The following UNC5D variants were observed in gnomAD, a reference collection of about 807,000 sequenced individuals.
The protein encoded by UNC5D is unc-5 netrin receptor D.
UNC5D carries 39 observed loss-of-function variants against 105.4 expected under a neutral mutation model. That is an observed-to-expected ratio of 0.37 (90% CI 0.29 to 0.48). The LOEUF (loss-of-function observed/expected upper bound fraction) is 0.48. Among genes scored for constraint, UNC5D ranks in the 20% least tolerant of loss-of-function variants. The pLI, the probability that UNC5D is intolerant of heterozygous loss-of-function variation, is 0.98. For missense variants in UNC5D, 991 were observed against 1,202.4 expected (o/e 0.82, Z 2.60); for synonymous variants, 452 against 450.4 (o/e 1.00, Z -0.04).
intron 1 of UNC5D, among the ~76,000 whole-genome samples, chr8:35,487,015 C>T (rs1005869521): frequency 7.2e-5 from 11 of 152,108 alleles, no homozygotes; most frequent in African/African-American, 2.2e-4. Flanking sequence ...TCCAACCCCC[C>T]AGGTCACTAA....
intron 8 of UNC5D, among the ~76,000 whole-genome samples, chr8:35,707,886 T>A (rs941178213): frequency 1.3e-5 from 2 of 152,084 alleles, no homozygotes; most frequent in African/African-American, 4.8e-5. Context: ...CGGAATCGCT[T>A]AAACTGTTTT....
At chr8:35,575,048 C>A (rs142220368) in intron 3 of UNC5D, among the ~76,000 whole-genome samples, 141 of 152,260 alleles carry the variant, frequency 9.3e-4, no homozygotes, top group African/African-American at 3.1e-3. Context: ...AAGGAATGCT[C>A]TGTGGCACCC....
At chr8:35,465,409 C>G (rs553535196) in intron 1 of UNC5D, among the ~76,000 whole-genome samples, 1 of 150,652 alleles carries the variant, frequency 6.6e-6, no homozygotes, top group Admixed American at 6.6e-5. Context: ...ATTGTATGCT[C>G]AAAAGCCACA....
At chr8:35,355,044 T>C (rs1470809393) in intron 1 of UNC5D, among the ~76,000 whole-genome samples, 2 of 152,172 alleles carry the variant, frequency 1.3e-5, no homozygotes, top group Non-Finnish European at 2.9e-5. Context: ...CCAGTCTCTT[T>C]AGGACTTGAC....
chr8:35,415,046 G>A (rs1805444662), intron 1 of UNC5D, among the ~76,000 whole-genome samples: 1 of 152,036 alleles, frequency 6.6e-6, no homozygotes, highest in Admixed American at 6.6e-5. Flanking sequence ...GTCTAAATCA[G>A]AATTTTGTTC....
chr8:35,264,916 G>C (rs1321942100), intron 1 of UNC5D, among the ~76,000 whole-genome samples: 2 of 152,158 alleles, frequency 1.3e-5, no homozygotes, highest in East Asian at 3.9e-4. Flanking sequence ...GGATCCTCTA[G>C]TCTTCACTGA....
chr8:35,586,650 T>C (rs1818814611), intron 3 of UNC5D, among the ~76,000 whole-genome samples: 1 of 152,162 alleles, frequency 6.6e-6, no homozygotes, highest in Non-Finnish European at 1.5e-5. Flanking sequence ...CAGAGAAATA[T>C]GGGTGGCAAA....
At chr8:35,254,503 ACAT>A (rs1563253050) in intron 1 of UNC5D, 1 of 152,208 alleles carries the variant, frequency 6.6e-6, no homozygotes, top group African/African-American at 2.4e-5. Flanking sequence ...TTGAAGAGAC[ACAT>A]ATATGGTAGG....
At chr8:35,583,547 G>A (rs1818588697) in intron 3 of UNC5D, among the ~76,000 whole-genome samples, 2 of 151,966 alleles carry the variant, frequency 1.3e-5, no homozygotes, top group South Asian at 4.1e-4. Context: ...ATTCACCTAG[G>A]ACTCGATTTT....
At chr8:35,670,882 C>A (rs1054089001) in intron 4 of UNC5D, among the ~76,000 whole-genome samples, 11 of 151,992 alleles carry the variant, frequency 7.2e-5, no homozygotes, top group African/African-American at 2.7e-4. Flanking sequence ...AAAAAGATGG[C>A]AGAATTTTGA....
chr8:35,716,375 G>GGTTC (rs1828252021), intron 8 of UNC5D, among the ~76,000 whole-genome samples: 1 of 152,182 alleles, frequency 6.6e-6, no homozygotes. Flanking sequence ...GAGTTACTGT[G>GGTTC]GTTCCTGAGA....
At chr8:35,339,463 A>T (rs2128900569) in intron 1 of UNC5D, among the ~76,000 whole-genome samples, 1 of 152,352 alleles carries the variant, frequency 6.6e-6, no homozygotes, top group African/African-American at 2.4e-5. Context: ...TGAAGTCTAC[A>T]GAGAAAAAGA....
At chr8:35,357,953 A>G (rs1226053042) in intron 1 of UNC5D, among the ~76,000 whole-genome samples, 2 of 152,088 alleles carry the variant, frequency 1.3e-5, no homozygotes, top group African/African-American at 4.8e-5. Context: ...AAAGCAGGTA[A>G]GATTCCCATA....
At chr8:35,401,914 A>G (rs764402164) in intron 1 of UNC5D, among the ~76,000 whole-genome samples, 2 of 152,122 alleles carry the variant, frequency 1.3e-5, no homozygotes, top group African/African-American at 2.4e-5. Context: ...CATCTCCTGG[A>G]CTGTGTTCTT....
intron 1 of UNC5D, among the ~76,000 whole-genome samples, chr8:35,373,696 G>A (rs1412531284): frequency 6.6e-6 from 1 of 152,142 alleles, no homozygotes; most frequent in Non-Finnish European, 1.5e-5. Flanking sequence ...CACTGGAAGG[G>A]GATTGAGAGC....
In UNC5D at chr8:35,686,669, C is replaced by T; in HGVS notation, c.1044C>T (p.Ser348=). Residue 348 remains serine (S), a synonymous_variant, in exon 7 of 17, where the codon AGC becomes AGT. Coordinates refer to ENST00000404895, the MANE Select transcript of UNC5D (RefSeq NM_080872.4). The part of the protein sequence containing the change: ...RNGGKFCEGL[S]QESENCTDGL... Reference sequence around the variant, plus strand: ...GGGGCAAATTCTGTGAAGGTCTAAGCCAGGAATCTGAAAACTGCACAGATG... The same window carrying T: ...GGGGCAAATTCTGTGAAGGTCTAAGTCAGGAATCTGAAAACTGCACAGATG... 1.2e-6 allele frequency: 2 copies of T among 1,603,970 alleles called. No homozygotes were observed. The highest frequency in any genetic ancestry group is 1.7e-6 in the Non-Finnish European group (2 of 1,177,078).
At chr8:35,335,744 T>G (rs1810974180) in intron 1 of UNC5D, among the ~76,000 whole-genome samples, 1 of 140,358 alleles carries the variant, frequency 7.1e-6, no homozygotes, top group South Asian at 2.1e-4. Flanking sequence ...TAGAATGAAA[T>G]GAGAGATTGC....
chr8:35,553,312 C>T (rs562445264), intron 2 of UNC5D, among the ~76,000 whole-genome samples: 1 of 151,478 alleles, frequency 6.6e-6, no homozygotes, highest in Non-Finnish European at 1.5e-5. Context: ...TTTTTTATTA[C>T]ATTCTCTACC....
chr8:35,721,608 C>A, intron 8 of UNC5D: 1 of 673,308 alleles, frequency 1.5e-6, no homozygotes, highest in South Asian at 1.6e-5. Context: ...TCATATCCCA[C>A]AATAAAATTC....
Sources: gnomAD v4.1 joint callset for allele counts (sites outside exome capture counted in the v4.1 genomes callset) on GRCh38, gnomAD v4.1.1 for gene constraint, MANE v1.5 for transcripts, NCBI Gene and HGNC (gene_info 2026-07-23, HGNC 2026-07-21) for gene names.